The following SGCZ variants were observed in gnomAD, a reference collection of about 807,000 sequenced individuals.
The protein encoded by SGCZ is zeta-sarcoglycan.
Under a neutral mutation model 41.3 loss-of-function variants are expected in SGCZ, and 40 were observed. The ratio of observed to expected loss-of-function variants is 0.97; its 90% CI spans 0.75 to 1.26. SGCZ has a LOEUF of 1.26. Ranked by LOEUF, SGCZ falls within the 50% of genes most tolerant of loss-of-function variation. The pLI, the probability that SGCZ is intolerant of heterozygous loss-of-function variation, is 0.00. For missense variants in SGCZ, 552 were observed against 369.8 expected, an observed-to-expected ratio of 1.49 and a Z score of -4.04; for synonymous variants, 206 against 137.5, an observed-to-expected ratio of 1.50 and a Z score of -3.49.
chr8:14,152,828 T>C (rs535799643), intron 5 of SGCZ, among the ~76,000 whole-genome samples: 29 of 152,316 alleles, frequency 1.9e-4, no homozygotes, highest in Non-Finnish European at 8.8e-5. Flanking sequence ...ATTCATACTA[T>C]AGGTTACCAA....
chr8:14,722,885 G>T (rs1010894), intron 1 of SGCZ, among the ~76,000 whole-genome samples: 4 of 151,986 alleles, frequency 2.6e-5, no homozygotes, highest in African/African-American at 9.7e-5. Flanking sequence ...AATAAAATGC[G>T]TTCCATTTCA....
At chr8:14,881,757 T>A (rs1804599148) in intron 1 of SGCZ, among the ~76,000 whole-genome samples, 1 of 152,182 alleles carries the variant, frequency 6.6e-6, no homozygotes, top group Non-Finnish European at 1.5e-5. Context: ...GAATTCTCCA[T>A]CCAAAAATAA....
At chr8:14,241,109 A>G (rs1047820004) in intron 3 of SGCZ, among the ~76,000 whole-genome samples, 2 of 152,138 alleles carry the variant, frequency 1.3e-5, no homozygotes, top group Admixed American at 6.5e-5. Context: ...TTGTTTCTCC[A>G]AAGGTCTCTG....
At chr8:14,541,215 T>C (rs1803456656) in intron 2 of SGCZ, among the ~76,000 whole-genome samples, 2 of 151,964 alleles carry the variant, frequency 1.3e-5, no homozygotes. Flanking sequence ...ACACGTGCCA[T>C]GGTGGTTTGC....
At chr8:14,968,829 G>A (rs888306141) in intron 1 of SGCZ, among the ~76,000 whole-genome samples, 3 of 152,100 alleles carry the variant, frequency 2.0e-5, no homozygotes, top group African/African-American at 7.2e-5. Flanking sequence ...GTAACAACTG[G>A]AGGCCAAGGC....
At chr8:14,319,514 C>T in intron 3 of SGCZ, 1 of 151,918 alleles carries the variant, frequency 6.6e-6, no homozygotes, top group East Asian at 1.9e-4. Flanking sequence ...CAGGAAAATC[C>T]CCCATGCAGG....
At chr8:14,323,983 G>T in intron 3 of SGCZ, 120 bp downstream of exon 3, 1 of 622,230 alleles carries the variant, frequency 1.6e-6, no homozygotes, top group Non-Finnish European at 2.8e-6. Context: ...AAACATAGGT[G>T]TTTAGCTTAA....
intron 3 of SGCZ, among the ~76,000 whole-genome samples, chr8:14,251,485 G>A (rs1799284374): frequency 6.6e-6 from 1 of 152,012 alleles, no homozygotes; most frequent in African/African-American, 2.4e-5. Flanking sequence ...GAACTGAATG[G>A]GCATGTCTGT....
chr8:15,184,759 G>A (rs761737239), intron 1 of SGCZ, among the ~76,000 whole-genome samples: 4 of 152,116 alleles, frequency 2.6e-5, no homozygotes, highest in Non-Finnish European at 5.9e-5. Flanking sequence ...AAAGTGTCAG[G>A]CTTTGGTAAT....
At chr8:15,044,847 G>A (rs1383129335) in intron 1 of SGCZ, among the ~76,000 whole-genome samples, 1 of 152,052 alleles carries the variant, frequency 6.6e-6, no homozygotes, top group Non-Finnish European at 1.5e-5. Context: ...GTAGTTTTGT[G>A]AAGGTAATTT....
intron 1 of SGCZ, among the ~76,000 whole-genome samples, chr8:14,645,337 A>C (rs966452245): frequency 6.6e-6 from 1 of 150,914 alleles, no homozygotes; most frequent in Non-Finnish European, 1.5e-5. Flanking sequence ...TTTTACCATT[A>C]TTATAAAATT....
At chr8:14,822,545 T>C (rs962025564) in intron 1 of SGCZ, among the ~76,000 whole-genome samples, 2 of 151,962 alleles carry the variant, frequency 1.3e-5, no homozygotes, top group African/African-American at 4.8e-5. Flanking sequence ...AAGATAACAA[T>C]GCTAAAAATA....
intron 5 of SGCZ, among the ~76,000 whole-genome samples, chr8:14,149,670 A>AC (rs1554467829): frequency 6.7e-6 from 1 of 149,010 alleles, no homozygotes; most frequent in African/African-American, 2.5e-5. Flanking sequence ...AAAAAAAAAA[A>AC]CACAATCCTA....
chr8:14,436,199 C>G (rs1386366620), intron 2 of SGCZ, among the ~76,000 whole-genome samples: 1 of 152,140 alleles, frequency 6.6e-6, no homozygotes, highest in Admixed American at 6.5e-5. Context: ...GCCAAATCCA[C>G]TGGAAGCCAA....
intron 1 of SGCZ, among the ~76,000 whole-genome samples, chr8:14,744,681 C>A (rs991830032): frequency 1.3e-5 from 2 of 152,090 alleles, no homozygotes; most frequent in Non-Finnish European, 2.9e-5. Flanking sequence ...TTAATAGTAA[C>A]ACTTGCAGAA....
At chr8:14,795,878 A>G (rs1224930536) in intron 1 of SGCZ, among the ~76,000 whole-genome samples, 3 of 152,110 alleles carry the variant, frequency 2.0e-5, no homozygotes, top group African/African-American at 7.2e-5. Context: ...CTATGTGTCC[A>G]TATGTTCTCA....
At chr8:14,289,581 C>G (rs1013799815) in intron 3 of SGCZ, among the ~76,000 whole-genome samples, 8 of 152,098 alleles carry the variant, frequency 5.3e-5, no homozygotes, top group Admixed American at 1.3e-4. Context: ...GACCATTGGT[C>G]TATGTGTCTA....
chr8:14,699,088 A>G (rs1482349939), intron 1 of SGCZ, among the ~76,000 whole-genome samples: 1 of 151,772 alleles, frequency 6.6e-6, no homozygotes, highest in African/African-American at 2.4e-5. Flanking sequence ...AAACAAAAAT[A>G]GAGCTAAGAA....
At chr8:14,931,530 A>G (rs1164605008) in intron 1 of SGCZ, among the ~76,000 whole-genome samples, 1 of 152,020 alleles carries the variant, frequency 6.6e-6, no homozygotes, top group Non-Finnish European at 1.5e-5. Context: ...AATGACATGC[A>G]GCATAACCTT....
Sources: gnomAD v4.1 joint callset for allele counts (sites outside exome capture counted in the v4.1 genomes callset) on GRCh38, gnomAD v4.1.1 for gene constraint, MANE v1.5 for transcripts, NCBI Gene and HGNC (gene_info 2026-07-23, HGNC 2026-07-21) for gene names.